SLCO4A1: variants seen among roughly 807,000 people sequenced by gnomAD.
The protein encoded by SLCO4A1 is solute carrier organic anion transporter family member 4A1, also known as colon organic anion transporter.
SLCO4A1 carries 51 observed loss-of-function variants against 64.6 expected under a neutral mutation model. That is an observed-to-expected ratio of 0.79 (90% CI 0.63 to 1.00). The LOEUF is 1.00. SLCO4A1 is among the 50% of genes least tolerant of loss of function. SLCO4A1 has a pLI of 0.00. For missense variants in SLCO4A1, 919 were observed against 980.5 expected, an observed-to-expected ratio of 0.94 and a Z score of 0.84; for synonymous variants, 471 against 444.9, an observed-to-expected ratio of 1.06 and a Z score of -0.74.
chr20:62,686,180 C>G (rs553742534), downstream of SLCO4A1, among the ~76,000 whole-genome samples: 271 of 152,254 alleles, frequency 1.8e-3, no homozygotes, highest in African/African-American at 6.0e-3. Context: ...TGAGTGTCTC[C>G]GTGTAGCTCC....
intron 2 of SLCO4A1, 41 bp downstream of exon 2, chr20:62,657,291 G>A (rs1983932647): frequency 9.5e-6 from 14 of 1,478,230 alleles, no homozygotes; most frequent in East Asian, 2.5e-5. Context: ...AGGGGTGGCT[G>A]AGGGCAGTGT....
chr20:62,687,174 G>A (rs116694305), downstream of SLCO4A1, among the ~76,000 whole-genome samples: 438 of 138,022 alleles, frequency 3.2e-3, 1 homozygote, highest in South Asian at 0.013. Context: ...TGGAAAGGGC[G>A]CCCCCAAACA....
chr20:62,674,584 G>A (rs6062400), downstream of SLCO4A1, among the ~76,000 whole-genome samples: 20,299 of 152,210 alleles, frequency 0.13, 1,418 homozygotes, highest in Middle Eastern at 0.21. Context: ...CACAGATGAC[G>A]ATTCCAAGGG....
At chr20:62,652,367 G>A (rs1281297121) in intron 1 of SLCO4A1, among the ~76,000 whole-genome samples, 1 of 152,172 alleles carries the variant, frequency 6.6e-6, no homozygotes, top group Non-Finnish European at 1.5e-5. Context: ...GTGGCTCTGA[G>A]CCTGGCCTGT....
At chr20:62,662,718 T>C (rs1985223202) in intron 5 of SLCO4A1, among the ~76,000 whole-genome samples, 1 of 148,974 alleles carries the variant, frequency 6.7e-6, no homozygotes, top group African/African-American at 2.5e-5. Flanking sequence ...AGGGAGGGAC[T>C]CCCCCAGGGT....
chr20:62,656,482 C>G lies in SLCO4A1; in HGVS notation c.28C>G (p.Pro10Ala), dbSNP rs1346581789. The G allele has an allele frequency of 2.6e-6, 4 of 1,515,840 alleles. No individual in the cohort carries two copies. The highest frequency in any genetic ancestry group is 4.8e-5 in the East Asian group (2 of 41,790). The allele number at this position is 1,515,840 out of a possible 1,614,324, so 93.9% of individuals were successfully genotyped here. A position where few individuals can be genotyped will look rare whatever the true frequency, so the allele number is the denominator to read the frequency against. The change falls in exon 2 of 12, where the codon CCG (proline) becomes GCG (alanine). Residue 10 changes from proline (P) to alanine (A), a missense_variant. By Grantham distance (27) the Pro-to-Ala change is conservative. Transcript: ENST00000217159. MPLHQLGDK[P>A]LTFPSPNSAM... ...GCCCCTGCATCAGCTGGGGGACAAG[C>G]CGCTCACCTTCCCCAGCCCCAACTC...
chr20:62,668,244 G>A, intron 9 of SLCO4A1, 60 bp downstream of exon 9: 1 of 1,582,468 alleles, frequency 6.3e-7, no homozygotes. Context: ...CTGAGGCGGA[G>A]CTCTGCAGAT....
chr20:62,657,355 C>A, intron 2 of SLCO4A1, 105 bp downstream of exon 2: 1 of 1,096,666 alleles, frequency 9.1e-7, no homozygotes, highest in Non-Finnish European at 1.3e-6. Context: ...CCTTCGTGTA[C>A]CCCTTGTCTG....
At position 62,667,895 on chromosome 20, in the gene SLCO4A1, T is replaced by C. The variant is rs1986656709; in HGVS notation, c.1623T>C (p.Asn541=). The C allele has an allele frequency of 1.2e-6, 2 of 1,613,950 alleles. No homozygotes were observed. Among genetic ancestry groups the C allele is most frequent in the Non-Finnish European group, 1.7e-6 (2 of 1,180,026 alleles). Residue 541 remains asparagine, a synonymous_variant, in exon 8 of 12, where the codon AAT becomes AAC. Transcript: ENST00000217159. ...HAGCPAATET[N]VDGQKVYRDC... ...GGTGCCCTGCAGCCACGGAGACGAA[T>C]GTGGACGGCCAGAAGGTGAGTGGAG...
chr20:62,675,315 C>T (rs189523743), downstream of SLCO4A1, among the ~76,000 whole-genome samples: 3 of 152,294 alleles, frequency 2.0e-5, no homozygotes, highest in East Asian at 3.9e-4. Flanking sequence ...CCCAGATTCC[C>T]TTCCCAGGTC....
At chr20:62,673,171 G>T (rs536656186), downstream of SLCO4A1, among the ~76,000 whole-genome samples, 12 of 142,938 alleles carry the variant, frequency 8.4e-5, 1 homozygote, top group East Asian at 6.2e-4. Context: ...GCATGGGGGG[G>T]GCACAGAGGG....
intron 1 of SLCO4A1, among the ~76,000 whole-genome samples, chr20:62,655,686 A>T (rs564979951): frequency 5.1e-4 from 78 of 152,312 alleles, no homozygotes; most frequent in African/African-American, 1.8e-3. Context: ...TGTTAGCCAC[A>T]GGCTGACCCA....
At position 62,643,526 on chromosome 20, in the gene SLCO4A1, G is replaced by A. The variant is rs569028186; in HGVS notation, c.-97+973G>A. Reference sequence around the variant, plus strand: ...CTCTTTGGAGCTGCCGTGGGACCTGGCTATGCGTCCTGTTTCTGTCTGGAG... The same window carrying A: ...CTCTTTGGAGCTGCCGTGGGACCTGACTATGCGTCCTGTTTCTGTCTGGAG... On this transcript the variant is annotated intron_variant, in intron 1 of 11. Coordinates refer to ENST00000217159, the MANE Select transcript of SLCO4A1 (RefSeq NM_016354.4). Among the ~76,000 whole-genome samples the A allele has an allele frequency of 5.3e-5, 8 of 152,368 alleles. No homozygotes were observed. The East Asian group carries it at 1.3e-3, about 26-fold the overall frequency.
At chr20:62,657,805 T>C (rs1175965437) in intron 2 of SLCO4A1, among the ~76,000 whole-genome samples, 1 of 152,126 alleles carries the variant, frequency 6.6e-6, no homozygotes, top group Non-Finnish European at 1.5e-5. Flanking sequence ...CATAGGGGTG[T>C]GGAAAAGACC....
In SLCO4A1 at chr20:62,671,861, G is replaced by A. The variant is rs1601684298; in HGVS notation, c.2137G>A (p.Ala713Thr). 6 of 1,612,796 alleles carry A rather than the reference G, an allele frequency of 3.7e-6. No individual in the cohort carries two copies. The East Asian group carries it at 1.1e-4, about 30-fold the overall frequency. Residue 713 changes from alanine to threonine, a missense_variant, in exon 12 of 12, where the codon GCC becomes ACC. Transcript: ENST00000217159. ...LPSQSSAPDSATDSQLQSSV is the reference protein window; with the variant it reads ...LPSQSSAPDSTTDSQLQSSV ...CAGCCAGTCCTCAGCCCCTGACAGT[G>A]CCACAGATAGCCAGCTCCAGAGCAG... is the stretch of plus-strand genomic sequence containing the variant.
intron 1 of SLCO4A1, chr20:62,648,888 G>T (rs993491575): frequency 3.3e-5 from 5 of 152,280 alleles, no homozygotes; most frequent in Non-Finnish European, 4.4e-5. Context: ...CTCCTCGTGG[G>T]TGCGACAGTG....
chr20:62,664,830 C>T (rs1481495979), intron 5 of SLCO4A1, 104 bp from the exon 6 acceptor site: 10 of 1,289,098 alleles, frequency 7.8e-6, no homozygotes, highest in South Asian at 6.1e-5. Context: ...CTCCACACCC[C>T]GACCTCTGCC....
At chr20:62,647,786 T>C (rs1981633949) in intron 1 of SLCO4A1, among the ~76,000 whole-genome samples, 2 of 152,216 alleles carry the variant, frequency 1.3e-5, no homozygotes, top group Non-Finnish European at 2.9e-5. Flanking sequence ...GCACCCCAGT[T>C]CCCACAGTCT....
At position 62,685,050 on chromosome 20, in the gene SLCO4A1, A is replaced by C. The variant is rs1988006103; in HGVS notation, n.212-391A>C. On this transcript the variant is annotated intron_variant and non_coding_transcript_variant, in intron 2 of 2. Transcript: ENST00000466818. The surrounding 1 kb of genome is among the most constrained non-coding windows in gnomAD (Gnocchi z 4.6). ...GTAATGGGGCGGATTAGCAGGGGCC[A>C]AGGGTCTGGGGTGAGGCCACAGTGC... is the stretch of plus-strand genomic sequence containing the variant. Among the ~76,000 whole-genome samples the C allele has an allele frequency of 6.6e-6, 1 of 152,104 alleles. No individual in the cohort carries two copies. Among genetic ancestry groups the C allele is most frequent in the South Asian group, 2.1e-4 (1 of 4,828 alleles).
Sources: gnomAD v4.1 joint callset for allele counts (sites outside exome capture counted in the v4.1 genomes callset) on GRCh38, gnomAD v4.1.1 for gene constraint, Gnocchi (gnomAD v3.1) non-coding constraint, MANE v1.5 for transcripts, NCBI Gene and HGNC (gene_info 2026-07-23, HGNC 2026-07-21) for gene names.